PLCB4: variants seen among roughly 807,000 people sequenced by gnomAD.
PLCB4 encodes the protein 1-phosphatidylinositol 4,5-bisphosphate phosphodiesterase beta-4.
In PLCB4, 77 loss-of-function variants were observed where a neutral mutation model predicts 178.8. That is an observed-to-expected ratio of 0.43 (90% CI 0.36 to 0.52). PLCB4 has a LOEUF of 0.52. Ranked by LOEUF, PLCB4 falls within the 20% of genes least tolerant of loss-of-function variation. The pLI, the probability that PLCB4 is intolerant of heterozygous loss-of-function variation, is 0.00. For missense variants in PLCB4, 1,024 were observed against 1,453.4 expected, an observed-to-expected ratio of 0.70 and a Z score of 4.80; for synonymous variants, 496 against 490.8, an observed-to-expected ratio of 1.01 and a Z score of -0.14.
chr20:9,092,956 G>A (rs892253235), intron 1 of PLCB4, among the ~76,000 whole-genome samples: 3 of 152,078 alleles, frequency 2.0e-5, no homozygotes, highest in South Asian at 2.1e-4. Flanking sequence ...ATATTGGCTC[G>A]TAACGCTATA....
intron 2 of PLCB4, among the ~76,000 whole-genome samples, chr20:9,140,796 C>T (rs114684115): frequency 0.011 from 1,639 of 152,096 alleles, 29 homozygotes; most frequent in African/African-American, 0.036. Context: ...CCTGCGGAAC[C>T]GTGAACTAAG....
intron 2 of PLCB4, among the ~76,000 whole-genome samples, chr20:9,150,825 C>T (rs183941628): frequency 1.3e-5 from 2 of 152,174 alleles, no homozygotes; most frequent in Non-Finnish European, 1.5e-5. Context: ...GAAAATAACT[C>T]TAGCAAAGTG....
chr20:9,378,103 A>T (rs1355917343), intron 12 of PLCB4, among the ~76,000 whole-genome samples: 1 of 152,122 alleles, frequency 6.6e-6, no homozygotes, highest in Non-Finnish European at 1.5e-5. Flanking sequence ...TGTATATTTT[A>T]AAATGCACAA....
intron 3 of PLCB4, among the ~76,000 whole-genome samples, chr20:9,285,152 AAGTAACAT>A (rs2094526439): frequency 6.6e-6 from 1 of 151,840 alleles, no homozygotes; most frequent in South Asian, 2.1e-4. Context: ...TTTGTTACAA[AAGTAACAT>A]ATTATAATAA....
chr20:9,372,431 T>C, intron 11 of PLCB4, 28 bp downstream of exon 11: 1 of 1,100,514 alleles, frequency 9.1e-7, no homozygotes, highest in Non-Finnish European at 1.4e-6. Context: ...GGAAGTGCCA[T>C]ATAAATATTA....
intron 7 of PLCB4, among the ~76,000 whole-genome samples, chr20:9,356,081 T>C (rs2148191867): frequency 6.6e-6 from 1 of 152,392 alleles, no homozygotes; most frequent in African/African-American, 2.4e-5. Context: ...GTCTTTTGGC[T>C]GCATAAATGT....
intron 2 of PLCB4, among the ~76,000 whole-genome samples, chr20:9,159,599 A>G (rs542920678): frequency 1.3e-5 from 2 of 152,308 alleles, no homozygotes; most frequent in East Asian, 3.9e-4. Flanking sequence ...TTATCTGATC[A>G]TATAATTTCC....
intron 2 of PLCB4, among the ~76,000 whole-genome samples, chr20:9,136,499 G>A (rs2092386669): frequency 6.6e-6 from 1 of 152,010 alleles, no homozygotes; most frequent in South Asian, 2.1e-4. Context: ...CACTGCTTGG[G>A]GGCTTTTCCT....
chr20:9,316,830 T>TAAAACAACATCAACAACA (rs2094904965), intron 4 of PLCB4, among the ~76,000 whole-genome samples: 3 of 150,646 alleles, frequency 2.0e-5, no homozygotes, highest in African/African-American at 7.3e-5. Context: ...TTCAGGCCTG[T>TAAAACAACATCAACAACA]TCCTTCCTCT....
At chr20:9,168,471 C>T (rs2093009254) in intron 2 of PLCB4, among the ~76,000 whole-genome samples, 1 of 152,182 alleles carries the variant, frequency 6.6e-6, no homozygotes, top group African/African-American at 2.4e-5. Flanking sequence ...TCGGATCACT[C>T]CACTGTTTTC....
At position 9,149,166 on chromosome 20, in the gene PLCB4, A is replaced by G. The variant is rs2092648940; in HGVS notation, c.-79+52824A>G. ...CTTTCTTTGGTATCTCTAGGAACAC[A>G]TGTGTCTCTTCCATGTGTCTCTTCC... On this transcript the variant is annotated intron_variant, in intron 2 of 39. Transcript: ENST00000378473. 2.0e-5 allele frequency among the ~76,000 whole-genome samples: 3 copies of G among 152,082 alleles called. No homozygotes were observed. In the South Asian group the frequency reaches 6.2e-4, roughly 32 times the overall value.
At chr20:9,323,831 G>A (rs769221116) in intron 4 of PLCB4, among the ~76,000 whole-genome samples, 1 of 152,158 alleles carries the variant, frequency 6.6e-6, no homozygotes, top group African/African-American at 2.4e-5. Flanking sequence ...TCTGGTGGGC[G>A]TTCTGTGCTC....
At chr20:9,359,647 G>A (rs2148216061) in intron 7 of PLCB4, among the ~76,000 whole-genome samples, 1 of 152,334 alleles carries the variant, frequency 6.6e-6, no homozygotes, top group African/African-American at 2.4e-5. Flanking sequence ...AGTGCCCCGT[G>A]TGGCAGAAGT....
At chr20:9,181,445 C>T (rs1039129055) in intron 2 of PLCB4, among the ~76,000 whole-genome samples, 2 of 152,112 alleles carry the variant, frequency 1.3e-5, no homozygotes, top group Non-Finnish European at 2.9e-5. Flanking sequence ...TTACTTCAGG[C>T]TGCTATCACA....
chr20:9,088,542 G>A (rs899305672), intron 1 of PLCB4, among the ~76,000 whole-genome samples: 5 of 152,280 alleles, frequency 3.3e-5, no homozygotes, highest in South Asian at 4.1e-4. Context: ...TCACAGTAAT[G>A]AGAAATACTA....
At position 9,337,214 on chromosome 20, in the gene PLCB4, C is replaced by T. The variant is rs548014418; in HGVS notation, c.165+8C>T. On this transcript the variant is annotated splice_region_variant and intron_variant, in intron 5 of 39. Coordinates refer to ENST00000378473, the MANE Select transcript of PLCB4 (RefSeq NM_001377142.1). ...TGGAGAAGTGAAGGCAAGGTATGGCCCAAGAAGAGCAAGTTGTTCTTTCTG... is the reference window on the plus strand; with the variant it reads ...TGGAGAAGTGAAGGCAAGGTATGGCTCAAGAAGAGCAAGTTGTTCTTTCTG... The T allele has an allele frequency of 6.3e-7, 1 of 1,598,824 alleles. No individual in the cohort carries two copies. Among genetic ancestry groups the T allele is most frequent in the South Asian group, 1.1e-5 (1 of 90,706 alleles).
intron 3 of PLCB4, among the ~76,000 whole-genome samples, chr20:9,238,408 C>A (rs1348913008): frequency 6.6e-6 from 1 of 151,592 alleles, no homozygotes; most frequent in Non-Finnish European, 1.5e-5. Flanking sequence ...TGGAGTTGAC[C>A]CCCCCCCGAG....
At position 9,407,913 on chromosome 20, in the gene PLCB4, G is replaced by T; in HGVS notation, c.1648-4G>T. ...CTTATATGTTTTCTTCCTTGTGCTTGTAGGGCCTGGTCACTGTAGAAGATG... is the reference window on the plus strand; with the variant it reads ...CTTATATGTTTTCTTCCTTGTGCTTTTAGGGCCTGGTCACTGTAGAAGATG... On this transcript the variant is annotated splice_polypyrimidine_tract_variant and splice_region_variant and intron_variant, in intron 21 of 39. Transcript: ENST00000378473. 1 of 1,608,590 alleles carries T rather than the reference G, an allele frequency of 6.2e-7. No homozygotes were observed. Among genetic ancestry groups the T allele is most frequent in the Non-Finnish European group, 8.5e-7 (1 of 1,178,180 alleles).
At chr20:9,091,815 C>T (rs2224359) in intron 1 of PLCB4, among the ~76,000 whole-genome samples, 2 of 151,874 alleles carry the variant, frequency 1.3e-5, no homozygotes, top group Non-Finnish European at 2.9e-5. Context: ...AGAAGTGATG[C>T]TTACAGATTT....
Sources: gnomAD v4.1 joint callset for allele counts (sites outside exome capture counted in the v4.1 genomes callset) on GRCh38, gnomAD v4.1.1 for gene constraint, MANE v1.5 for transcripts, NCBI Gene and HGNC (gene_info 2026-07-23, HGNC 2026-07-21) for gene names.